The following CRYZL1 variants were observed in gnomAD, a reference collection of about 807,000 sequenced individuals.
CRYZL1 encodes the protein ferry endosomal RAB5 effector complex subunit 4.
CRYZL1 carries 34 observed loss-of-function variants against 50.6 expected under a neutral mutation model. That is an observed-to-expected ratio of 0.67 (90% CI 0.51 to 0.89). CRYZL1 has a LOEUF of 0.89. CRYZL1 is among the 40% of genes least tolerant of loss of function. The pLI is 0.00. For synonymous variants in CRYZL1, 125 were observed against 134.3 expected (o/e 0.93, Z 0.48); for missense variants, 354 against 402.3 (o/e 0.88, Z 1.03).
At chr21:33,591,441 A>G (rs979564990) in intron 11 of CRYZL1, 55 of 570,162 alleles carry the variant, frequency 9.6e-5, no homozygotes, top group African/African-American at 9.0e-4. Flanking sequence ...AAGTGACAAG[A>G]GCAGCAAGTC....
chr21:33,613,750 T>C, intron 5 of CRYZL1, 144 bp from the exon 6 acceptor site: 1 of 640,292 alleles, frequency 1.6e-6, no homozygotes. Context: ...AATTCAGAAA[T>C]GGGATGGGAA....
intron 2 of CRYZL1, among the ~76,000 whole-genome samples, chr21:33,629,320 G>A (rs2087109930): frequency 6.6e-6 from 1 of 152,134 alleles, no homozygotes; most frequent in African/African-American, 2.4e-5. Flanking sequence ...GTAGTGCAGT[G>A]GCACAATCTT....
chr21:33,603,670 A>G, intron 6 of CRYZL1, 133 bp from the exon 7 acceptor site: 1 of 870,012 alleles, frequency 1.1e-6, no homozygotes, highest in Non-Finnish European at 1.7e-6. Flanking sequence ...TCTCACCTAC[A>G]ATACTTTCCA....
intron 9 of CRYZL1, among the ~76,000 whole-genome samples, chr21:33,597,716 C>T (rs868852721): frequency 6.6e-6 from 1 of 152,148 alleles, no homozygotes; most frequent in Admixed American, 6.5e-5. Flanking sequence ...GGGTTCACGC[C>T]ATCCTCCTGC....
chr21:33,635,706 C>T (rs2087198541), intron 1 of CRYZL1, among the ~76,000 whole-genome samples: 1 of 1,438 alleles, frequency 7.0e-4, no homozygotes. Context: ...AATGTATAGG[C>T]CGGGCATGGT....
chr21:33,634,077 C>T (rs981924201), intron 1 of CRYZL1, among the ~76,000 whole-genome samples: 2 of 152,142 alleles, frequency 1.3e-5, no homozygotes, highest in Non-Finnish European at 2.9e-5. Flanking sequence ...ATAGAAATTA[C>T]GTATGTAGCA....
At chr21:33,631,431 T>C in intron 2 of CRYZL1, 55 bp downstream of exon 2, 16 of 1,297,980 alleles carry the variant, frequency 1.2e-5, no homozygotes, top group Non-Finnish European at 1.7e-5. Context: ...TAAAAGTGGG[T>C]TTATTGCAGA....
At chr21:33,619,558 TTTTC>T (rs1271496890) in intron 4 of CRYZL1, among the ~76,000 whole-genome samples, 1 of 151,876 alleles carries the variant, frequency 6.6e-6, no homozygotes, top group Non-Finnish European at 1.5e-5. Flanking sequence ...GATAATTTTT[TTTTC>T]TTTTTCTTTT....
intron 6 of CRYZL1, 95 bp from the exon 7 acceptor site, chr21:33,603,632 C>T: frequency 1.4e-6 from 2 of 1,423,428 alleles, no homozygotes; most frequent in Non-Finnish European, 1.9e-6. Context: ...CTACTATGGC[C>T]CTGGTCCAAG....
chr21:33,636,748 T>A (rs2087211012), intron 1 of CRYZL1, among the ~76,000 whole-genome samples: 1 of 152,254 alleles, frequency 6.6e-6, no homozygotes, highest in Non-Finnish European at 1.5e-5. Context: ...TTCATCCTTC[T>A]TATAATAGCA....
intron 6 of CRYZL1, among the ~76,000 whole-genome samples, chr21:33,610,742 T>C (rs8127598): frequency 0.36 from 49,868 of 138,428 alleles, 8,318 homozygotes; most frequent in East Asian, 0.54. Context: ...TTTTTTTTTT[T>C]TTTTTTTTTG....
chr21:33,628,603 CT>C (rs35970580), intron 2 of CRYZL1, among the ~76,000 whole-genome samples: 87,621 of 120,242 alleles, frequency 0.73, 31,469 homozygotes, highest in African/African-American at 0.88. Context: ...TAATTTCTTT[CT>C]TTTTTTTTTT....
chr21:33,630,490 G>A (rs773648368), intron 2 of CRYZL1, among the ~76,000 whole-genome samples: 2 of 152,050 alleles, frequency 1.3e-5, no homozygotes, highest in African/African-American at 2.4e-5. Flanking sequence ...GGAGGCTGAG[G>A]TAGGAGAATC....
chr21:33,620,710 G>A lies in CRYZL1; in HGVS notation c.217+1286C>T, dbSNP rs528357915. 2.6e-5 allele frequency among the ~76,000 whole-genome samples: 4 copies of A among 152,042 alleles called. No homozygotes were observed. The South Asian group carries it at 8.3e-4, about 32-fold the overall frequency. On this transcript the variant is annotated intron_variant, in intron 4 of 12. Transcript: ENST00000381554. Reference sequence around the variant, plus strand: ...GCCTGTAGCCCCAGCTACTTGGAAGGCTGAGGCAGAGTTGCTTGAATCTGG... The same window carrying A: ...GCCTGTAGCCCCAGCTACTTGGAAGACTGAGGCAGAGTTGCTTGAATCTGG...
intron 6 of CRYZL1, among the ~76,000 whole-genome samples, chr21:33,604,454 G>A (rs1034994253): frequency 2.0e-5 from 3 of 150,534 alleles, no homozygotes; most frequent in African/African-American, 4.9e-5. Flanking sequence ...GTGTGAACCC[G>A]GGAGGTGGAG....
chr21:33,596,720 C>G (rs927532993), intron 10 of CRYZL1, among the ~76,000 whole-genome samples: 1 of 151,506 alleles, frequency 6.6e-6, no homozygotes, highest in Non-Finnish European at 1.5e-5. Flanking sequence ...TACACTTCAT[C>G]GTCATTGAAA....
At chr21:33,639,825 A>AT (rs35747923) in intron 1 of CRYZL1, 39,142 of 133,908 alleles carry the variant, frequency 0.29, 6,354 homozygotes, top group East Asian at 0.57. Context: ...ATAGATGTGT[A>AT]TTTTTTTTTT....
intron 6 of CRYZL1, among the ~76,000 whole-genome samples, chr21:33,606,313 A>G (rs1405378163): frequency 1.3e-5 from 2 of 152,180 alleles, no homozygotes; most frequent in African/African-American, 2.4e-5. Context: ...TAAAAACTCA[A>G]TCATGTTGTC....
intron 2 of CRYZL1, among the ~76,000 whole-genome samples, chr21:33,631,107 ACGTATTGCATATTT>A (rs1398632974): frequency 6.6e-6 from 1 of 152,224 alleles, no homozygotes; most frequent in Non-Finnish European, 1.5e-5. Context: ...ATAGTTAACA[ACGTATTGCATATTT>A]CAAAATAGCT....
Sources: allele counts gnomAD v4.1 joint callset (sites outside exome capture counted in the v4.1 genomes callset), GRCh38; gene constraint gnomAD v4.1.1; transcripts MANE v1.5; gene names NCBI Gene and HGNC (gene_info 2026-07-23, HGNC 2026-07-21).